FAM110B: variants seen among roughly 807,000 people sequenced by gnomAD.
FAM110B encodes family with sequence similarity 110 member B, also known as protein FAM110B.
In FAM110B, 6 loss-of-function variants were observed where a neutral mutation model predicts 20.4. The observed-to-expected ratio is 0.29, with a 90% CI of 0.16 to 0.58. The LOEUF is 0.58. Ranked by LOEUF, FAM110B falls within the 20% of genes least tolerant of loss-of-function variation. The pLI, the probability that FAM110B is intolerant of heterozygous loss-of-function variation, is 0.90. For missense variants in FAM110B, 434 were observed against 498.2 expected (o/e 0.87, Z 1.23); for synonymous variants, 226 against 214.1 (o/e 1.06, Z -0.49).
intron 3 of FAM110B, among the ~76,000 whole-genome samples, chr8:58,115,312 G>A (rs189508480): frequency 2.8e-4 from 43 of 152,294 alleles, no homozygotes; most frequent in African/African-American, 7.2e-4. Flanking sequence ...ACAGGTGGAC[G>A]TGAGCACACA....
At chr8:58,113,375 C>T (rs2150621049) in intron 3 of FAM110B, 1 of 218,022 alleles carries the variant, frequency 4.6e-6, no homozygotes, top group Admixed American at 4.2e-5. Context: ...TGCACCTGCT[C>T]AGTGTAGATG....
intron 3 of FAM110B, among the ~76,000 whole-genome samples, chr8:58,084,158 C>A (rs1806271376): frequency 6.6e-6 from 1 of 152,144 alleles, no homozygotes; most frequent in Non-Finnish European, 1.5e-5. Flanking sequence ...ATGACCAAGA[C>A]CTTGCTGGCT....
intron 2 of FAM110B, chr8:58,043,236 G>A (rs920404706): frequency 2.6e-5 from 4 of 151,170 alleles, no homozygotes; most frequent in Non-Finnish European, 5.9e-5. Context: ...CTGAGGCACC[G>A]AAGGCTGCGA....
chr8:58,066,054 A>G (rs1319475219), intron 2 of FAM110B, among the ~76,000 whole-genome samples: 2 of 152,186 alleles, frequency 1.3e-5, no homozygotes, highest in Non-Finnish European at 2.9e-5. Context: ...TGGCCCCAGC[A>G]TGAGAGTCCT....
At chr8:58,087,794 A>G (rs1213460943) in intron 3 of FAM110B, among the ~76,000 whole-genome samples, 1 of 152,226 alleles carries the variant, frequency 6.6e-6, no homozygotes, top group Non-Finnish European at 1.5e-5. Context: ...AAGCTTCTGT[A>G]GTAAGAAAAT....
At chr8:58,069,519 T>G (rs545661758) in intron 2 of FAM110B, among the ~76,000 whole-genome samples, 102 of 152,324 alleles carry the variant, frequency 6.7e-4, no homozygotes, top group African/African-American at 2.3e-3. Flanking sequence ...GTTTGGCCGT[T>G]CAGTTGTGTA....
intron 1 of FAM110B, among the ~76,000 whole-genome samples, chr8:57,996,044 A>G (rs1320499634): frequency 2.6e-5 from 4 of 152,204 alleles, no homozygotes; most frequent in Non-Finnish European, 5.9e-5. Flanking sequence ...AGATACTTGT[A>G]TTAATTTCTT....
In FAM110B at chr8:58,146,535, G is replaced by A. The variant is rs776628310; in HGVS notation, c.305G>A (p.Gly102Asp). ...GGCAGCCCCACGCTCAAAGTGTTCGGCAACCACGCCAAGACCGAGAGCGGC... is the reference window on the plus strand; with the variant it reads ...GGCAGCCCCACGCTCAAAGTGTTCGACAACCACGCCAAGACCGAGAGCGGC... ...ALGSPTLKVF[G>D]NHAKTESGVQ... is the part of the protein sequence containing the mutation. Residue 102 changes from glycine to aspartate, a missense_variant, in exon 4 of 4, where the codon GGC (glycine) becomes GAC (aspartate). Gly to Asp is a moderately conservative substitution (Grantham distance 94). This residue lies in a region of FAM110B where 284 missense variants were observed against 278.3 expected (regional missense o/e 1.02). Transcript: ENST00000519262. 1.1e-5 allele frequency: 18 copies of A among 1,613,858 alleles called. No individual in the cohort carries two copies. The Middle Eastern group carries it at 4.9e-4, about 44-fold the overall frequency.
chr8:58,050,901 A>C (rs954172), intron 2 of FAM110B, among the ~76,000 whole-genome samples: 50,745 of 152,072 alleles, frequency 0.33, 9,335 homozygotes, highest in Non-Finnish European at 0.42. Context: ...GTCAGTTAAA[A>C]TGCTTGGGAA....
At position 58,146,344 on chromosome 8, in the gene FAM110B, C is replaced by T. The variant is rs1453779469; in HGVS notation, c.114C>T (p.Arg38=). ...TGAACAAGGGGCCAGACTACTTCCG[C>T]AGGCAGGCCGAGCCCAACCCCAAGA... The part of the protein sequence containing the change: ...RILNKGPDYF[R]RQAEPNPKRL... Residue 38 remains arginine (R), a synonymous_variant, in exon 4 of 4, where the codon CGC becomes CGT. Coordinates refer to ENST00000519262, the MANE Select transcript of FAM110B (RefSeq NM_001377989.1). 1.9e-6 allele frequency: 3 copies of T among 1,613,946 alleles called. No individual in the cohort carries two copies. The highest frequency in any genetic ancestry group is 2.5e-6 in the Non-Finnish European group (3 of 1,180,012).
intron 3 of FAM110B, among the ~76,000 whole-genome samples, chr8:58,085,573 C>T (rs1286305758): frequency 6.6e-6 from 1 of 152,166 alleles, no homozygotes; most frequent in Non-Finnish European, 1.5e-5. Flanking sequence ...GACCATTGGC[C>T]TATGAGCCAG....
At chr8:58,132,673 C>A (rs1345509092) in intron 3 of FAM110B, among the ~76,000 whole-genome samples, 1 of 152,158 alleles carries the variant, frequency 6.6e-6, no homozygotes. Context: ...TGAGGTCTGG[C>A]TGCTGACAGG....
intron 3 of FAM110B, chr8:58,091,552 A>G (rs895286542): frequency 1.3e-5 from 2 of 152,204 alleles, no homozygotes; most frequent in African/African-American, 2.4e-5. Flanking sequence ...AGCTCACAGC[A>G]TAATGAGATC....
At chr8:58,006,917 A>ATT (rs199509693) in intron 1 of FAM110B, among the ~76,000 whole-genome samples, 5 of 84,148 alleles carry the variant, frequency 5.9e-5, no homozygotes, top group Non-Finnish European at 5.1e-5. Context: ...ATATATATAT[A>ATT]TATATATTTT....
In FAM110B at chr8:58,147,496, C is replaced by T. The variant is rs2150648214; in HGVS notation, c.*153C>T. 1.0e-6 allele frequency: 1 copy of T among 967,310 alleles called. No individual in the cohort carries two copies. The highest frequency in any genetic ancestry group is 1.5e-6 in the Non-Finnish European group (1 of 658,606). The allele number at this position is 967,310 out of a possible 1,614,324, so 59.9% of individuals were successfully genotyped here. A position where few individuals can be genotyped will look rare whatever the true frequency, so the allele number is the denominator to read the frequency against. On this transcript the variant is annotated 3_prime_UTR_variant, in exon 4 of 4. Coordinates refer to ENST00000519262, the MANE Select transcript of FAM110B (RefSeq NM_001377989.1). ...GCATGCTTGTCAACATGGGGACTGA[C>T]CTGGCTTCCACGTCACCATCGCTAC...
At chr8:58,078,559 T>C (rs1244695170) in intron 3 of FAM110B, among the ~76,000 whole-genome samples, 2 of 144,596 alleles carry the variant, frequency 1.4e-5, no homozygotes, top group Non-Finnish European at 3.0e-5. Flanking sequence ...TTTTTTTTTT[T>C]TTTTTTTTTG....
chr8:58,146,034 AG>A lies in FAM110B; in HGVS notation c.-193del. ...CCTTTTTGTGCAAGGGCCGCCTGGAAGGGGAGAAAAGTGTATGAAAGCCACC... is the reference window on the plus strand; with the variant it reads ...CCTTTTTGTGCAAGGGCCGCCTGGAAGGGAGAAAAGTGTATGAAAGCCACC... On this transcript the variant is annotated 5_prime_UTR_variant, in exon 4 of 4. Transcript: ENST00000519262. 1.8e-6 allele frequency: 1 copy of A among 551,474 alleles called. No homozygotes were observed. 34.2% of individuals were successfully genotyped at this position (551,474 alleles called of 1,614,324 possible).
At chr8:58,057,852 A>T (rs1805578646) in intron 2 of FAM110B, among the ~76,000 whole-genome samples, 1 of 152,256 alleles carries the variant, frequency 6.6e-6, no homozygotes, top group Admixed American at 6.5e-5. Flanking sequence ...GTTGCTCAGT[A>T]AAGGTTAGCT....
intron 2 of FAM110B, among the ~76,000 whole-genome samples, chr8:58,050,054 G>A (rs79009997): frequency 0.027 from 4,140 of 152,130 alleles, 183 homozygotes; most frequent in African/African-American, 0.092. Context: ...ATCATGGAAG[G>A]GCTGGTTTCA....
Sources: allele counts gnomAD v4.1 joint callset (sites outside exome capture counted in the v4.1 genomes callset), GRCh38; gene constraint gnomAD v4.1.1; regional missense constraint gnomAD v4.1.1; transcripts MANE v1.5; gene names NCBI Gene and HGNC (gene_info 2026-07-23, HGNC 2026-07-21).